Variants in DNAJC6 observed in about 807,000 individuals in gnomAD.
DNAJC6 encodes auxilin.
A neutral mutation model predicts 110.0 loss-of-function variants in DNAJC6; 34 were observed. That is an observed-to-expected ratio of 0.31 (90% CI 0.24 to 0.41). The LOEUF is 0.41. Ranked by LOEUF, DNAJC6 falls within the 10% of genes least tolerant of loss-of-function variation. DNAJC6 has a pLI of 1.00. For missense variants in DNAJC6, 1,031 were observed against 1,207.8 expected, an observed-to-expected ratio of 0.85 and a Z score of 2.17; for synonymous variants, 406 against 437.2, an observed-to-expected ratio of 0.93 and a Z score of 0.89.
intron 13 of DNAJC6, among the ~76,000 whole-genome samples, chr1:65,397,738 G>A (rs776074707): frequency 6.6e-6 from 1 of 152,146 alleles, no homozygotes; most frequent in Non-Finnish European, 1.5e-5. Context: ...TCAGTGGAAT[G>A]GGTTACTGTG....
chr1:65,334,009 G>T (rs1645311939), intron 1 of DNAJC6, among the ~76,000 whole-genome samples: 1 of 152,174 alleles, frequency 6.6e-6, no homozygotes, highest in South Asian at 2.1e-4. Context: ...TTCTACTGAA[G>T]ATACATTTTG....
intron 1 of DNAJC6, among the ~76,000 whole-genome samples, chr1:65,355,331 A>G (rs1011211586): frequency 2.6e-5 from 4 of 151,986 alleles, no homozygotes; most frequent in African/African-American, 9.7e-5. Context: ...TGCAGTACAA[A>G]GAGAGTTGGG....
In DNAJC6 at chr1:65,366,182, A is replaced by G; in HGVS notation, c.529A>G (p.Lys177Glu). ...NLSPKSYRTA[K>E]FHSRVSECSW... ...GTCACCTAAGTCTTATCGAACTGCC[A>G]AGTTTCACAGCCGGGTAAGGATTTT... The change falls in exon 4 of 19, where the codon AAG (lysine) becomes GAG (glutamate). Residue 177 changes from lysine (K) to glutamate (E), a missense_variant. Coordinates refer to ENST00000371069, the MANE Select transcript of DNAJC6 (RefSeq NM_001256864.2). 2.5e-6 allele frequency: 4 copies of G among 1,613,498 alleles called. No individual in the cohort carries two copies. Among genetic ancestry groups the G allele is most frequent in the African/African-American group, 2.7e-5 (2 of 75,016 alleles).
intron 1 of DNAJC6, among the ~76,000 whole-genome samples, chr1:65,271,973 A>AG (rs796703884): frequency 1.3e-4 from 19 of 151,994 alleles, no homozygotes; most frequent in African/African-American, 4.6e-4. Context: ...TTTAGATTTT[A>AG]GGGGCCTTAC....
intron 1 of DNAJC6, among the ~76,000 whole-genome samples, chr1:65,267,938 G>A (rs1054672745): frequency 6.6e-6 from 1 of 151,938 alleles, no homozygotes; most frequent in Non-Finnish European, 1.5e-5. Flanking sequence ...ACCAGACCGT[G>A]AGAGCCATTC....
At chr1:65,314,140 G>T (rs538844355) in intron 1 of DNAJC6, among the ~76,000 whole-genome samples, 33 of 151,146 alleles carry the variant, frequency 2.2e-4, no homozygotes, top group African/African-American at 7.0e-4. Context: ...CACTTTTTAG[G>T]CTTTGTTCTA....
intron 4 of DNAJC6, among the ~76,000 whole-genome samples, chr1:65,366,695 G>C (rs574689912): frequency 6.6e-6 from 1 of 152,144 alleles, no homozygotes; most frequent in South Asian, 2.1e-4. Context: ...TTTCACCTTG[G>C]CTTAGGTTTG....
At chr1:65,370,038 T>C (rs1186280726) in intron 4 of DNAJC6, among the ~76,000 whole-genome samples, 1 of 151,938 alleles carries the variant, frequency 6.6e-6, no homozygotes, top group African/African-American at 2.4e-5. Context: ...AAACCTCAGG[T>C]GTTTTTATTT....
intron 7 of DNAJC6, among the ~76,000 whole-genome samples, chr1:65,386,356 G>A (rs1174095264): frequency 1.3e-5 from 2 of 152,208 alleles, no homozygotes; most frequent in African/African-American, 2.4e-5. Context: ...AAGGGAGTGG[G>A]TGGTAACATA....
At chr1:65,362,817 T>A (rs1645610891) in intron 1 of DNAJC6, among the ~76,000 whole-genome samples, 1 of 152,222 alleles carries the variant, frequency 6.6e-6, no homozygotes, top group Admixed American at 6.5e-5. Flanking sequence ...CCTTCCTGTA[T>A]CAGCCTGCAT....
intron 1 of DNAJC6, among the ~76,000 whole-genome samples, chr1:65,340,581 A>G (rs1353434413): frequency 1.3e-5 from 2 of 152,174 alleles, no homozygotes; most frequent in Non-Finnish European, 2.9e-5. Context: ...TGTGACTTTT[A>G]TCCAGTCATT....
At chr1:65,370,884 G>T (rs1236719947) in intron 4 of DNAJC6, among the ~76,000 whole-genome samples, 1 of 152,156 alleles carries the variant, frequency 6.6e-6, no homozygotes, top group East Asian at 1.9e-4. Flanking sequence ...ACAGCTCCCA[G>T]TTGTTTCTGC....
intron 1 of DNAJC6, among the ~76,000 whole-genome samples, chr1:65,299,900 G>C (rs1268865733): frequency 2.6e-5 from 4 of 151,834 alleles, no homozygotes; most frequent in Non-Finnish European, 5.9e-5. Flanking sequence ...AAACACAAAA[G>C]AATTAGCTGG....
chr1:65,377,164 G>T (rs533588676), intron 4 of DNAJC6, among the ~76,000 whole-genome samples: 13 of 152,336 alleles, frequency 8.5e-5, no homozygotes, highest in African/African-American at 2.9e-4. Context: ...TTCTGCAGCA[G>T]TTGGGTAAAA....
chr1:65,373,615 C>G (rs1205231970), intron 4 of DNAJC6, among the ~76,000 whole-genome samples: 4 of 140,788 alleles, frequency 2.8e-5, no homozygotes, highest in African/African-American at 1.0e-4. Context: ...CTCTTTTGCC[C>G]AGTTTTTAAT....
intron 1 of DNAJC6, among the ~76,000 whole-genome samples, chr1:65,268,322 T>C (rs957306746): frequency 6.6e-6 from 1 of 152,242 alleles, no homozygotes; most frequent in African/African-American, 2.4e-5. Context: ...TGATCTAGCA[T>C]ATCTCAAAAT....
chr1:65,405,848 C>A, intron 15 of DNAJC6, 22 bp from the exon 16 acceptor site: 1 of 1,569,918 alleles, frequency 6.4e-7, no homozygotes, highest in Non-Finnish European at 8.6e-7. Flanking sequence ...GTTTTACCTT[C>A]TTTATCTCTT....
At chr1:65,352,611 CAT>C (rs1273843915) in intron 1 of DNAJC6, among the ~76,000 whole-genome samples, 48 of 152,340 alleles carry the variant, frequency 3.2e-4, no homozygotes, top group African/African-American at 1.1e-3. Flanking sequence ...ATGTGTAGCA[CAT>C]GTGTGTGTTG....
rs3818513 is a variant in DNAJC6 at position 65,408,354 on chromosome 1, T to C, written c.2492-287T>C. 0.61 allele frequency among the ~76,000 whole-genome samples: 92,522 copies of C among 152,026 alleles called. 30,486 individuals are homozygous for C. The highest frequency in any genetic ancestry group is 0.87 in the African/African-American group (36,060 of 41,500). On this transcript the variant is annotated intron_variant, in intron 16 of 18. Transcript: ENST00000371069. ...AGTTATAATCTGGAGGGATAATGAG[T>C]ATCCTCATCTAAAGAGAAGGTACAG...
Sources: gnomAD v4.1 joint callset for allele counts (sites outside exome capture counted in the v4.1 genomes callset) on GRCh38, gnomAD v4.1.1 for gene constraint, MANE v1.5 for transcripts, NCBI Gene and HGNC (gene_info 2026-07-23, HGNC 2026-07-21) for gene names.